Variants in NEK2 observed in about 807,000 individuals in gnomAD.
The protein encoded by NEK2 is serine/threonine-protein kinase Nek2.
Under a neutral mutation model 54.1 loss-of-function variants are expected in NEK2, and 28 were observed. The observed-to-expected ratio is 0.52, with a 90% CI of 0.38 to 0.71. The LOEUF (loss-of-function observed/expected upper bound fraction) is 0.71, where lower values mean the gene tolerates loss of function less well. Ranked by LOEUF, NEK2 falls within the 30% of genes least tolerant of loss-of-function variation. The pLI is 0.00. For synonymous variants in NEK2, 176 were observed against 193.1 expected (o/e 0.91, Z 0.73); for missense variants, 407 against 531.5 (o/e 0.77, Z 2.30).
At chr1:211,664,678 T>C (rs572022760) in intron 7 of NEK2, among the ~76,000 whole-genome samples, 62 of 152,338 alleles carry the variant, frequency 4.1e-4, no homozygotes, top group African/African-American at 1.3e-3. Flanking sequence ...TCCTGTGACT[T>C]CCCGCTTCAT....
At position 211,674,505 on chromosome 1, in the gene NEK2, A is replaced by G. The variant is rs569591376; in HGVS notation, c.105T>C (p.Val35=). 145 of 1,606,134 alleles carry G rather than the reference A, an allele frequency of 9.0e-5. 2 individuals are homozygous for G. In the South Asian group the frequency reaches 1.4e-3, roughly 15 times the overall value. Residue 35 remains valine (V), a synonymous_variant, in exon 2 of 8, where the codon GTT becomes GTC. Transcript: ENST00000366999. The part of the protein sequence containing the change: ...IRRKSDGKIL[V]WKELDYGSMT... ...TGGAGCCATAGTCAAGTTCTTTCCA[A>G]ACTAATATCTGAAATAAGAATTTCC... is the stretch of plus-strand genomic sequence containing the variant.
intron 3 of NEK2, among the ~76,000 whole-genome samples, chr1:211,672,813 T>G (rs1388624167): frequency 2.0e-5 from 3 of 152,152 alleles, no homozygotes; most frequent in Non-Finnish European, 4.4e-5. Flanking sequence ...TTTGTAATCC[T>G]TGAGTTTAAT....
At chr1:211,673,369 G>C in intron 3 of NEK2, 114 bp downstream of exon 3, 1 of 1,282,106 alleles carries the variant, frequency 7.8e-7, no homozygotes, top group South Asian at 1.4e-5. Flanking sequence ...AGCCCAGATC[G>C]CACCACTGCA....
In NEK2 at chr1:211,673,528, C is replaced by T. The variant is rs1164161119; in HGVS notation, c.510G>A (p.Thr170=). 1.4e-5 allele frequency: 23 copies of T among 1,613,842 alleles called. No homozygotes were observed. In the Middle Eastern group the frequency reaches 4.9e-4, roughly 35 times the overall value. ...TGCCAACAAATGTTTTTGCAAAACT[C>T]GTGTCATGGTTTAATATTCTAGCTA... The part of the protein sequence containing the change: ...FGLARILNHD[T]SFAKTFVGTP... Residue 170 remains threonine (T), a synonymous_variant, in exon 3 of 8, where the codon ACG becomes ACA. Coordinates refer to ENST00000366999, the MANE Select transcript of NEK2 (RefSeq NM_002497.4).
intron 4 of NEK2, 145 bp from the exon 5 acceptor site, chr1:211,670,552 A>ACT: frequency 1.1e-6 from 1 of 947,262 alleles, no homozygotes; most frequent in Non-Finnish European, 1.6e-6. Context: ...TCTTATAAGT[A>ACT]AGTTTCCCAA....
intron 1 of NEK2, among the ~76,000 whole-genome samples, chr1:211,675,128 T>C (rs1324876522): frequency 6.6e-6 from 1 of 152,110 alleles, no homozygotes; most frequent in African/African-American, 2.4e-5. Flanking sequence ...GGAAGGTCCT[T>C]AGCAAGCCAA....
At chr1:211,670,158 A>G (rs1655325989) in intron 5 of NEK2, 123 bp downstream of exon 5, 1 of 1,071,646 alleles carries the variant, frequency 9.3e-7, no homozygotes, top group South Asian at 2.0e-5. Flanking sequence ...TTAACACAGT[A>G]AATTTAGCTA....
chr1:211,666,868 G>T (rs1655197746), intron 7 of NEK2: 2 of 1,244,456 alleles, frequency 1.6e-6, no homozygotes, highest in Non-Finnish European at 2.0e-6. Flanking sequence ...GTTTGATAAG[G>T]TAAAGAAAAT....
chr1:211,666,921 C>A (rs1571641767), intron 7 of NEK2, 185 bp downstream of exon 7: 1 of 1,389,622 alleles, frequency 7.2e-7, no homozygotes, highest in Non-Finnish European at 9.3e-7. Flanking sequence ...GTCTATGAAC[C>A]CAGGAAATAA....
chr1:211,666,950 T>G, intron 7 of NEK2, 156 bp downstream of exon 7: 5 of 1,448,992 alleles, frequency 3.5e-6, no homozygotes, highest in Non-Finnish European at 4.5e-6. Flanking sequence ...TATAACAGAA[T>G]TTTGTTTCCA....
intron 1 of NEK2, 36 bp from the exon 2 acceptor site, chr1:211,674,549 T>C (rs375271138): frequency 1.4e-4 from 200 of 1,462,840 alleles, no homozygotes; most frequent in Middle Eastern, 3.5e-4. Flanking sequence ...AATGAACTCA[T>C]TATGCTCAAA....
intron 2 of NEK2, 83 bp downstream of exon 2, chr1:211,674,213 A>G (rs562146593): frequency 1.8e-6 from 2 of 1,142,118 alleles, no homozygotes; most frequent in Non-Finnish European, 2.5e-6. Context: ...ACACTCTTCC[A>G]TATTACTGAT....
downstream of NEK2, among the ~76,000 whole-genome samples, chr1:211,659,054 T>C (rs1654953557): frequency 6.6e-6 from 1 of 152,204 alleles, no homozygotes; most frequent in Non-Finnish European, 1.5e-5. Context: ...CAGTCAATGC[T>C]GTGACAATGT....
At chr1:211,670,539 T>C in intron 4 of NEK2, 132 bp from the exon 5 acceptor site, 1 of 1,075,520 alleles carries the variant, frequency 9.3e-7, no homozygotes, top group East Asian at 2.4e-5. Flanking sequence ...TCTGGGATTT[T>C]CTTCTTATAA....
At chr1:211,660,866 T>C, downstream of NEK2, 1 of 719,838 alleles carries the variant, frequency 1.4e-6, no homozygotes, top group East Asian at 2.7e-5. Flanking sequence ...ATAGCATCAT[T>C]GACAGCATCC....
downstream of NEK2, among the ~76,000 whole-genome samples, chr1:211,661,766 G>T (rs1366012357): frequency 6.6e-6 from 1 of 152,200 alleles, no homozygotes; most frequent in Non-Finnish European, 1.5e-5. Flanking sequence ...AGGAACCTCA[G>T]TATCAGCAAG....
At chr1:211,660,758 G>A, downstream of NEK2, 1 of 690,644 alleles carries the variant, frequency 1.4e-6, no homozygotes, top group South Asian at 1.4e-5. Context: ...ATCTCAGTCT[G>A]ATAGGAACTC....
chr1:211,669,177 T>G lies in NEK2; in HGVS notation c.921A>C (p.Lys307Asn), dbSNP rs1196575096. The G allele has an allele frequency of 1.9e-6, 3 of 1,613,984 alleles. No homozygotes were observed. The Admixed American group carries it at 5.0e-5, about 27-fold the overall frequency. Reference sequence around the variant, plus strand: ...GCTCCTGTAACTGAATTTCCTTCAGTTTCAGCTCACTCAATACAGGGCTGG... The same window carrying G: ...GCTCCTGTAACTGAATTTCCTTCAGGTTCAGCTCACTCAATACAGGGCTGG... ...QDSSPVLSELKLKEIQLQERE... is the reference protein window; with the variant it reads ...QDSSPVLSELNLKEIQLQERE... Residue 307 changes from lysine (K) to asparagine (N), a missense_variant, in exon 6 of 8, where the codon AAA (lysine) becomes AAC (asparagine). Transcript: ENST00000366999.
At chr1:211,672,592 G>A (rs1206113199) in intron 3 of NEK2, among the ~76,000 whole-genome samples, 5 of 148,980 alleles carry the variant, frequency 3.4e-5, no homozygotes, top group Non-Finnish European at 7.4e-5. Flanking sequence ...TAAATGCAAA[G>A]TCTAAAATAA....
Sources: allele counts gnomAD v4.1 joint callset (sites outside exome capture counted in the v4.1 genomes callset), GRCh38; gene constraint gnomAD v4.1.1; transcripts MANE v1.5; gene names NCBI Gene and HGNC (gene_info 2026-07-23, HGNC 2026-07-21).